The following IQUB variants were observed in gnomAD, a reference collection of about 807,000 sequenced individuals.
IQUB encodes IQ motif and ubiquitin-like domain-containing protein.
IQUB carries 86 observed loss-of-function variants against 86.4 expected under a neutral mutation model. That is an observed-to-expected ratio of 1.00 (90% confidence interval 0.84 to 1.19). The LOEUF is 1.19. Among genes scored for constraint, IQUB ranks in the 50% most tolerant of loss-of-function variants. The pLI is 0.00. For synonymous variants in IQUB, 289 were observed against 304.5 expected (o/e 0.95, Z 0.53); for missense variants, 946 against 916.9 (o/e 1.03, Z -0.41).
In IQUB at chr7:123,496,836, TTC is replaced by T. The variant is rs750508045; in HGVS notation, c.1092_1093del (p.Ser366LeufsTer30). 166 of 1,612,932 alleles carry T rather than the reference TTC, an allele frequency of 1.0e-4. No homozygotes were observed. The African/African-American group carries it at 1.5e-3, about 15-fold the overall frequency. On this transcript the variant is annotated frameshift_variant, in exon 7 of 13. Transcript: ENST00000324698. LOFTEE classifies it high-confidence loss of function. ...TGTTTCCCATTCCAGTCTTAAGCTT[TTC>T]TGTCTTCTTAAATTCTCTACGAAGA...
rs1797253515 is a variant in IQUB at position 123,527,044 on chromosome 7, G to A, written c.-5+7448C>T. Among the ~76,000 whole-genome samples the A allele has an allele frequency of 3.3e-5, 5 of 152,194 alleles. No individual in the cohort carries two copies. The South Asian group carries it at 1.0e-3, about 32-fold the overall frequency. On this transcript the variant is annotated intron_variant, in intron 1 of 12. Transcript: ENST00000324698. ...ATTGGCCTCCACTTTCTTCTGGCTT[G>A]TAGCCTTCATTTCATTCATTTCATC...
intron 7 of IQUB, among the ~76,000 whole-genome samples, chr7:123,482,812 T>G (rs1394206499): frequency 6.6e-6 from 1 of 152,116 alleles, no homozygotes; most frequent in Non-Finnish European, 1.5e-5. Context: ...GACTAAAGAT[T>G]ACTGAGAACA....
intron 1 of IQUB, among the ~76,000 whole-genome samples, 200 bp from the exon 2 acceptor site, chr7:123,512,544 T>C (rs1051741839): frequency 2.6e-5 from 4 of 152,238 alleles, no homozygotes; most frequent in African/African-American, 7.2e-5. Flanking sequence ...CTGCAAAGAA[T>C]ATATGGAAAA....
intron 7 of IQUB, 44 bp from the exon 8 acceptor site, chr7:123,480,014 A>AT: frequency 7.1e-7 from 1 of 1,416,182 alleles, no homozygotes; most frequent in Non-Finnish European, 9.7e-7. Context: ...TAAAAATCCC[A>AT]TCTTGAATGA....
chr7:123,509,633 A>G lies in IQUB; in HGVS notation c.532+268T>C, dbSNP rs559261604. Among the ~76,000 whole-genome samples the G allele has an allele frequency of 3.9e-5, 6 of 152,306 alleles. No homozygotes were observed. The South Asian group carries it at 6.2e-4, about 16-fold the overall frequency. On this transcript the variant is annotated intron_variant, in intron 3 of 12. Transcript: ENST00000324698. ...TGGAAGCGTTTACACATTACATGGTAGCTACTGCATGCATCTTCTTCCTTA... is the reference window on the plus strand; with the variant it reads ...TGGAAGCGTTTACACATTACATGGTGGCTACTGCATGCATCTTCTTCCTTA...
chr7:123,529,711 C>T (rs1406927628), intron 1 of IQUB, among the ~76,000 whole-genome samples: 1 of 120,800 alleles, frequency 8.3e-6, no homozygotes, highest in Non-Finnish European at 1.7e-5. Context: ...CATAGTGAAA[C>T]CCTGTCTCTA....
intron 6 of IQUB, among the ~76,000 whole-genome samples, chr7:123,498,039 A>C (rs541726540): frequency 1.1e-4 from 16 of 151,646 alleles, no homozygotes; most frequent in Admixed American, 5.3e-4. Flanking sequence ...CCTAGGCAAG[A>C]GTGGTGAGTG....
At chr7:123,518,780 TAC>T (rs763604190) in intron 1 of IQUB, among the ~76,000 whole-genome samples, 1 of 150,046 alleles carries the variant, frequency 6.7e-6, no homozygotes, top group Non-Finnish European at 1.5e-5. Flanking sequence ...GTTTAGTAGA[TAC>T]ACAGTTTCAC....
intron 12 of IQUB, chr7:123,456,522 A>G (rs1235822926): frequency 6.6e-6 from 1 of 152,076 alleles, no homozygotes; most frequent in African/African-American, 2.4e-5. Context: ...CTAGTTTCTT[A>G]TCTTTATATT....
At chr7:123,492,276 T>C (rs1251133984) in intron 7 of IQUB, among the ~76,000 whole-genome samples, 1 of 152,220 alleles carries the variant, frequency 6.6e-6, no homozygotes, top group East Asian at 1.9e-4. Context: ...GAAATGACAG[T>C]GTTTTCAACA....
At chr7:123,518,485 T>G (rs1200929173) in intron 1 of IQUB, among the ~76,000 whole-genome samples, 1 of 152,166 alleles carries the variant, frequency 6.6e-6, no homozygotes, top group East Asian at 1.9e-4. Context: ...CTAAATGATC[T>G]AGCCCCTGCC....
intron 1 of IQUB, among the ~76,000 whole-genome samples, chr7:123,520,125 TATTG>T (rs1252336198): frequency 6.6e-6 from 1 of 152,098 alleles, no homozygotes; most frequent in African/African-American, 2.4e-5. Flanking sequence ...TGCACATATT[TATTG>T]GACACACGTG....
chr7:123,508,859 T>A (rs1031538007), intron 3 of IQUB, among the ~76,000 whole-genome samples: 1 of 152,224 alleles, frequency 6.6e-6, no homozygotes, highest in African/African-American at 2.4e-5. Context: ...ATCAAAAGGC[T>A]GCTGTGTGGA....
At chr7:123,469,449 C>A in intron 8 of IQUB, 65 bp from the exon 9 acceptor site, 1 of 918,242 alleles carries the variant, frequency 1.1e-6, no homozygotes, top group Admixed American at 3.1e-5. Flanking sequence ...AATTTTGCTC[C>A]TTCTACTAAA....
At chr7:123,501,327 A>T (rs181202857) in intron 6 of IQUB, 1 of 152,524 alleles carries the variant, frequency 6.6e-6, no homozygotes, top group Non-Finnish European at 1.5e-5. Flanking sequence ...CCAGTATAGT[A>T]AGAAAGTAAA....
chr7:123,510,335 A>G (rs749874238), intron 2 of IQUB, among the ~76,000 whole-genome samples: 1 of 152,104 alleles, frequency 6.6e-6, no homozygotes, highest in Non-Finnish European at 1.5e-5. Context: ...TCAGGAAATC[A>G]CGCATTTTTG....
At chr7:123,533,949 A>G (rs1009253396) in intron 1 of IQUB, among the ~76,000 whole-genome samples, 1 of 152,254 alleles carries the variant, frequency 6.6e-6, no homozygotes, top group African/African-American at 2.4e-5. Context: ...TTCATTCCCT[A>G]CCATTTAAAG....
intron 1 of IQUB, among the ~76,000 whole-genome samples, chr7:123,521,817 T>A (rs1277764602): frequency 1.3e-5 from 2 of 152,162 alleles, no homozygotes; most frequent in Non-Finnish European, 2.9e-5. Flanking sequence ...AAAGGGTGAT[T>A]AGCAACTGTG....
chr7:123,496,575 C>T, intron 7 of IQUB, 121 bp downstream of exon 7: 1 of 580,272 alleles, frequency 1.7e-6, no homozygotes, highest in Non-Finnish European at 2.9e-6. Flanking sequence ...AAATTCTCTA[C>T]TGCAAATTTC....
Sources: gnomAD v4.1 joint callset for allele counts (sites outside exome capture counted in the v4.1 genomes callset) on GRCh38, gnomAD v4.1.1 for gene constraint, MANE v1.5 for transcripts, NCBI Gene and HGNC (gene_info 2026-07-23, HGNC 2026-07-21) for gene names.